The following PREX1 variants were observed in gnomAD, a reference collection of about 807,000 sequenced individuals.
PREX1 encodes the protein phosphatidylinositol 3,4,5-trisphosphate-dependent Rac exchanger 1 protein.
Under a neutral mutation model 198.3 loss-of-function variants are expected in PREX1, and 41 were observed. The observed-to-expected ratio is 0.21, with a 90% CI of 0.16 to 0.27. The LOEUF (loss-of-function observed/expected upper bound fraction) is 0.27. Among genes scored for constraint, PREX1 ranks in the 10% least tolerant of loss-of-function variants. The probability of loss-of-function intolerance (pLI) is 1.00; values close to 1 mark genes in which losing one functional copy is unlikely to be tolerated. For missense variants in PREX1, 1,620 were observed against 2,200.7 expected, an observed-to-expected ratio of 0.74 and a Z score of 5.28; for synonymous variants, 843 against 887.2, an observed-to-expected ratio of 0.95 and a Z score of 0.89.
intron 1 of PREX1, among the ~76,000 whole-genome samples, chr20:48,767,997 A>G (rs1270747041): frequency 3.3e-5 from 5 of 152,128 alleles, no homozygotes; most frequent in Admixed American, 2.0e-4. Context: ...CTCTCTGCGC[A>G]CTGCCAGCTC....
At chr20:48,670,171 G>A (rs543563662) in intron 14 of PREX1, among the ~76,000 whole-genome samples, 14 of 152,260 alleles carry the variant, frequency 9.2e-5, no homozygotes, top group African/African-American at 3.4e-4. Flanking sequence ...GGGGAAGTGA[G>A]GCTGAGAGGG....
intron 3 of PREX1, among the ~76,000 whole-genome samples, chr20:48,738,343 A>C (rs2223684): frequency 0.075 from 11,356 of 152,256 alleles, 554 homozygotes; most frequent in South Asian, 0.19. Flanking sequence ...TTCTACGACA[A>C]GGTCTGCAAT....
chr20:48,879,008 A>T, the PREX1 span, among the ~76,000 whole-genome samples: 4 of 152,222 alleles, frequency 2.6e-5, no homozygotes, highest in Admixed American at 2.6e-4. Flanking sequence ...AAGCAGGAAG[A>T]GGAAAACTGA....
At chr20:48,649,207 A>T in intron 25 of PREX1, 93 bp downstream of exon 25, 1 of 1,512,186 alleles carries the variant, frequency 6.6e-7, no homozygotes, top group Non-Finnish European at 8.9e-7. Flanking sequence ...CCCACCCCCC[A>T]CTACAAAGAA....
intron 5 of PREX1, among the ~76,000 whole-genome samples, chr20:48,712,218 T>C (rs1157259660): frequency 2.0e-5 from 3 of 152,208 alleles, no homozygotes; most frequent in African/African-American, 7.2e-5. Context: ...GCAGGTGCTT[T>C]TACTATCCCC....
chr20:48,765,909 GACC>G (rs1386173005), intron 1 of PREX1, among the ~76,000 whole-genome samples: 5 of 152,128 alleles, frequency 3.3e-5, no homozygotes, highest in African/African-American at 1.2e-4. Context: ...TTGCCCGCAT[GACC>G]ACCTGAGCTC....
intron 10 of PREX1, among the ~76,000 whole-genome samples, chr20:48,685,310 C>T (rs1763894622): frequency 6.6e-6 from 1 of 152,222 alleles, no homozygotes; most frequent in South Asian, 2.1e-4. Context: ...TTAATACACA[C>T]AGATTTTATT....
At chr20:48,833,685 ATCCG>A in the PREX1 span, among the ~76,000 whole-genome samples, 1 of 152,034 alleles carries the variant, frequency 6.6e-6, no homozygotes, top group African/African-American at 2.4e-5. Context: ...CAGGTGATCC[ATCCG>A]CCTCGACCTC....
intron 1 of PREX1, among the ~76,000 whole-genome samples, chr20:48,787,731 G>A (rs1053663393): frequency 6.6e-6 from 1 of 152,104 alleles, no homozygotes; most frequent in Non-Finnish European, 1.5e-5. Context: ...AAGAAGTCTG[G>A]TTGCAAAATG....
chr20:48,743,316 T>C (rs2090090908), intron 3 of PREX1, among the ~76,000 whole-genome samples: 1 of 152,206 alleles, frequency 6.6e-6, no homozygotes. Context: ...TTCATTTTCC[T>C]ATTCAAACAC....
At chr20:48,809,337 C>T (rs1016009223) in intron 1 of PREX1, among the ~76,000 whole-genome samples, 1 of 152,194 alleles carries the variant, frequency 6.6e-6, no homozygotes, top group Non-Finnish European at 1.5e-5. Flanking sequence ...GAGGCACCAG[C>T]ACAGGGGAGA....
In PREX1 at chr20:48,651,014, C is replaced by G; in HGVS notation, c.2697G>C (p.Glu899Asp). 6.2e-7 allele frequency: 1 copy of G among 1,614,192 alleles called. No homozygotes were observed. The highest frequency in any genetic ancestry group is 8.5e-7 in the Non-Finnish European group (1 of 1,180,034). Residue 899 changes from glutamate (E) to aspartate (D), a missense_variant, in exon 23 of 40, where the codon GAG becomes GAC. Around this residue, in one of 7 missense-constraint regions of PREX1, gnomAD observed 514 missense variants for 611.6 expected, o/e 0.84. Transcript: ENST00000371941. ...AFAANDSVFV[E>D]NCRRLMALSS... The stretch of plus-strand genomic sequence containing the variant: ...TCAGGGCCATGAGCCGCCTGCAGTT[C>G]TCCACGAAGACGCTGTCATTGGCAG...
At position 48,750,908 on chromosome 20, in the gene PREX1, G is replaced by A. The variant is rs538975352; in HGVS notation, c.220-3028C>T. 2.6e-4 allele frequency among the ~76,000 whole-genome samples: 40 copies of A among 152,298 alleles called. No homozygotes were observed. In the South Asian group the frequency reaches 6.6e-3, roughly 25 times the overall value. On this transcript the variant is annotated intron_variant, in intron 1 of 39. Coordinates refer to ENST00000371941, the MANE Select transcript of PREX1 (RefSeq NM_020820.4). The stretch of plus-strand genomic sequence containing the variant: ...GGGTCCTTCCTGCTGTGTGACCTCA[G>A]GAAAGTGCACTAGCCTCTCTAAGTC...
At chr20:48,728,015 CAACT>C (rs1029944536) in intron 4 of PREX1, among the ~76,000 whole-genome samples, 4 of 152,130 alleles carry the variant, frequency 2.6e-5, no homozygotes, top group Non-Finnish European at 5.9e-5. Context: ...ATGAACTAAC[CAACT>C]AACTAATGAA....
At chr20:48,825,950 T>C (rs957415017) in intron 1 of PREX1, among the ~76,000 whole-genome samples, 9 of 146,406 alleles carry the variant, frequency 6.1e-5, no homozygotes, top group Non-Finnish European at 7.4e-5. Flanking sequence ...AAGGGTCCTT[T>C]AGCCAAATGG....
chr20:48,880,981 TAAAAAAA>T, the PREX1 span, among the ~76,000 whole-genome samples: 3 of 20,996 alleles, frequency 1.4e-4, no homozygotes, highest in African/African-American at 2.6e-4. Context: ...AAACCATTGC[TAAAAAAA>T]AAAAAAAAAA....
At chr20:48,704,544 C>A (rs1049118192) in intron 6 of PREX1, among the ~76,000 whole-genome samples, 1 of 150,878 alleles carries the variant, frequency 6.6e-6, no homozygotes, top group African/African-American at 2.5e-5. Context: ...TCCTTCCTTT[C>A]CTTCCTTCCT....
chr20:48,693,661 C>A (rs982503058), intron 7 of PREX1, among the ~76,000 whole-genome samples: 5 of 152,180 alleles, frequency 3.3e-5, no homozygotes, highest in African/African-American at 1.2e-4. Context: ...GGCTGGAGTG[C>A]AGTGGCATGA....
chr20:48,756,963 A>C (rs1015154427), intron 1 of PREX1, among the ~76,000 whole-genome samples: 4 of 152,126 alleles, frequency 2.6e-5, no homozygotes, highest in African/African-American at 9.7e-5. Context: ...TTATAAAACC[A>C]TCAGATCTCG....
Sources: allele counts gnomAD v4.1 joint callset (sites outside exome capture counted in the v4.1 genomes callset), GRCh38; gene constraint gnomAD v4.1.1; regional missense constraint gnomAD v4.1.1; transcripts MANE v1.5; gene names NCBI Gene and HGNC (gene_info 2026-07-23, HGNC 2026-07-21).